FAM184B: variants seen among roughly 807,000 people sequenced by gnomAD.
FAM184B encodes the protein protein FAM184B.
In FAM184B, 111 loss-of-function variants were observed where a neutral mutation model predicts 135.9. That is an observed-to-expected ratio of 0.82 (90% CI 0.70 to 0.96). The LOEUF is 0.96. Ranked by LOEUF, FAM184B falls within the 40% of genes least tolerant of loss-of-function variation. The pLI, the probability that FAM184B is intolerant of heterozygous loss-of-function variation, is 0.00. For synonymous variants in FAM184B, 552 were observed against 524.8 expected, an observed-to-expected ratio of 1.05 and a Z score of -0.71; for missense variants, 1,375 against 1,323.9, an observed-to-expected ratio of 1.04 and a Z score of -0.60.
Position 17,635,009 on chromosome 4 carries a change from C to T in FAM184B, c.2889G>A (p.Lys963=). ...PHPGYLTPSM[K]KKKVEDVPSR... The stretch of plus-strand genomic sequence containing the variant: ...ATTAAAACCATTAGAACCAATTTAC[C>T]TTCATGGAAGGGGTCAAATATCCCG... Residue 963 remains lysine (K), a splice_region_variant and synonymous_variant, in exon 16 of 18, where the codon AAG becomes AAA. Coordinates refer to ENST00000265018, the MANE Select transcript of FAM184B (RefSeq NM_015688.2). 1 of 1,550,392 alleles carries T rather than the reference C, an allele frequency of 6.4e-7. No individual in the cohort carries two copies. Among genetic ancestry groups the T allele is most frequent in the Non-Finnish European group, 8.7e-7 (1 of 1,145,758 alleles).
At chr4:17,663,953 C>T (rs1715984487) in intron 8 of FAM184B, among the ~76,000 whole-genome samples, 1 of 151,818 alleles carries the variant, frequency 6.6e-6, no homozygotes, top group Non-Finnish European at 1.5e-5. Context: ...CCTGCTTCCC[C>T]TTCTGGCATG....
chr4:17,641,457 CCCT>C (rs1290112549), intron 13 of FAM184B, among the ~76,000 whole-genome samples: 1 of 127,808 alleles, frequency 7.8e-6, no homozygotes, highest in African/African-American at 3.0e-5. Context: ...AAACAGGACT[CCCT>C]CTTTTTTTTT....
rs76022815 is a variant in FAM184B at position 17,719,211 on chromosome 4, T to C, written c.142-9567A>G. ...CATTATGAGGTAAGAATAAGGCTTATGTACTTGAAAACAAGCACTGTGACA... is the reference window on the plus strand; with the variant it reads ...CATTATGAGGTAAGAATAAGGCTTACGTACTTGAAAACAAGCACTGTGACA... On this transcript the variant is annotated intron_variant, in intron 1 of 17. Transcript: ENST00000265018. Among the ~76,000 whole-genome samples, 673 of 152,308 alleles carry C rather than the reference T, an allele frequency of 4.4e-3. 27 individuals are homozygous for C. In the East Asian group the frequency reaches 0.083, roughly 19 times the overall value.
chr4:17,664,360 G>C (rs1390218067), intron 8 of FAM184B, among the ~76,000 whole-genome samples: 1 of 152,166 alleles, frequency 6.6e-6, no homozygotes, highest in Non-Finnish European at 1.5e-5. Flanking sequence ...GCTTCTCTGG[G>C]TTGTTGTAAC....
chr4:17,754,252 TAAG>T (rs894008275), intron 1 of FAM184B, among the ~76,000 whole-genome samples: 17 of 152,114 alleles, frequency 1.1e-4, no homozygotes, highest in African/African-American at 4.1e-4. Flanking sequence ...GGAAAAAACT[TAAG>T]AAGAAGAGAA....
At chr4:17,742,013 C>T (rs965045680) in intron 1 of FAM184B, among the ~76,000 whole-genome samples, 3 of 151,810 alleles carry the variant, frequency 2.0e-5, no homozygotes, top group African/African-American at 7.3e-5. Flanking sequence ...TGCTAGAGAT[C>T]TGCTGTACCA....
At chr4:17,753,947 TA>T (rs1333125683) in intron 1 of FAM184B, among the ~76,000 whole-genome samples, 1 of 152,132 alleles carries the variant, frequency 6.6e-6, no homozygotes, top group Non-Finnish European at 1.5e-5. Context: ...GAATTTATGG[TA>T]AGTACAGTTT....
intron 10 of FAM184B, among the ~76,000 whole-genome samples, chr4:17,654,634 T>C (rs1430946580): frequency 1.3e-5 from 2 of 152,210 alleles, no homozygotes; most frequent in African/African-American, 4.8e-5. Flanking sequence ...ACTCATGCAG[T>C]GGGCATTTCA....
In FAM184B at chr4:17,650,296, T is replaced by G. The variant is rs540377022; in HGVS notation, c.2192-2505A>C. Among the ~76,000 whole-genome samples, 82 of 152,130 alleles carry G rather than the reference T, an allele frequency of 5.4e-4. No individual in the cohort carries two copies. The South Asian group carries it at 0.016, about 30-fold the overall frequency. On this transcript the variant is annotated intron_variant, in intron 11 of 17. Transcript: ENST00000265018. ...TATAGTATTGCAGGTCAGTTGTGTC[T>G]CACACAGATATAAGAAGAAGAATAA...
intron 1 of FAM184B, among the ~76,000 whole-genome samples, chr4:17,748,910 C>T (rs1416015837): frequency 1.3e-5 from 2 of 151,734 alleles, no homozygotes; most frequent in Admixed American, 6.6e-5. Context: ...CTCACTGCAG[C>T]CAAACTCCTG....
In FAM184B at chr4:17,666,572, C is replaced by T. The variant is rs186759044; in HGVS notation, c.1597-1913G>A. On this transcript the variant is annotated intron_variant, in intron 7 of 17. Coordinates refer to ENST00000265018, the MANE Select transcript of FAM184B (RefSeq NM_015688.2). ...CTCCTGAACTCAGGTGATCTGCCCA[C>T]CTCCGCCTCCCAAAGTGCTGGGATT... Among the ~76,000 whole-genome samples the T allele has an allele frequency of 1.3e-4, 20 of 149,390 alleles. 1 individual carries two copies. In the East Asian group the frequency reaches 3.9e-3, roughly 29 times the overall value.
intron 14 of FAM184B, among the ~76,000 whole-genome samples, chr4:17,637,035 T>C (rs997539014): frequency 1.3e-5 from 2 of 152,110 alleles, no homozygotes; most frequent in Non-Finnish European, 2.9e-5. Flanking sequence ...GGCCTTTTTT[T>C]TCTTTTTTGG....
intron 11 of FAM184B, among the ~76,000 whole-genome samples, chr4:17,649,435 T>G (rs1471907391): frequency 6.6e-6 from 1 of 151,882 alleles, no homozygotes; most frequent in Non-Finnish European, 1.5e-5. Flanking sequence ...ATACAAAAAA[T>G]TAGCCAGGCG....
chr4:17,699,630 A>G (rs6837181), intron 5 of FAM184B, among the ~76,000 whole-genome samples: 1 of 151,714 alleles, frequency 6.6e-6, no homozygotes, highest in Admixed American at 6.6e-5. Flanking sequence ...AAAATGAAGG[A>G]AAAATAGAGA....
At chr4:17,635,480 C>T (rs1715097399) in intron 15 of FAM184B, among the ~76,000 whole-genome samples, 1 of 152,088 alleles carries the variant, frequency 6.6e-6, no homozygotes, top group South Asian at 2.1e-4. Flanking sequence ...ATTTGTGTTG[C>T]CTAACATATA....
rs1291576220 is a variant in FAM184B, at chr4:17,708,948, C to T, written c.838G>A (p.Gly280Ser). The change falls in exon 2 of 18, where the codon GGC becomes AGC. Residue 280 changes from glycine to serine, a missense_variant. By Grantham distance (56) the Gly-to-Ser change is moderately conservative. Transcript: ENST00000265018. ...RKLEGDLEHR[G>S]RKISDLKKYA... Reference sequence around the variant, plus strand: ...TTCTTCAGGTCACTTATCTTGCGGCCTCTGTGCTCCAGGTCTCCTTCCAGC... The same window carrying T: ...TTCTTCAGGTCACTTATCTTGCGGCTTCTGTGCTCCAGGTCTCCTTCCAGC... 3 of 1,548,530 alleles carry T rather than the reference C, an allele frequency of 1.9e-6. No individual in the cohort carries two copies. Among genetic ancestry groups the T allele is most frequent in the Non-Finnish European group, 8.7e-7 (1 of 1,145,634 alleles).
intron 5 of FAM184B, among the ~76,000 whole-genome samples, chr4:17,703,052 A>T (rs1204370871): frequency 2.6e-5 from 4 of 152,218 alleles, no homozygotes; most frequent in Admixed American, 2.6e-4. Context: ...AACATCTTTG[A>T]GCTTCAGCTT....
chr4:17,773,866 C>T (rs978603820), intron 1 of FAM184B, among the ~76,000 whole-genome samples: 3 of 152,116 alleles, frequency 2.0e-5, no homozygotes, highest in South Asian at 2.1e-4. Context: ...TGTGAGCCAC[C>T]GCGCCCAGCC....
intron 5 of FAM184B, among the ~76,000 whole-genome samples, chr4:17,698,823 TCAAAA>T (rs1716922692): frequency 6.6e-6 from 1 of 152,160 alleles, no homozygotes; most frequent in South Asian, 2.1e-4. Context: ...TAACTGCCTG[TCAAAA>T]CAAAATTCAG....
Sources: allele counts gnomAD v4.1 joint callset (sites outside exome capture counted in the v4.1 genomes callset), GRCh38; gene constraint gnomAD v4.1.1; transcripts MANE v1.5; gene names NCBI Gene and HGNC (gene_info 2026-07-23, HGNC 2026-07-21).